Variants in RANBP2 observed in about 807,000 individuals in gnomAD.
RANBP2 encodes the protein E3 SUMO-protein ligase RanBP2.
Under a neutral mutation model 303.6 loss-of-function variants are expected in RANBP2, and 57 were observed. The ratio of observed to expected loss-of-function variants is 0.19; its 90% confidence interval spans 0.15 to 0.23. The LOEUF (loss-of-function observed/expected upper bound fraction) is 0.23. Ranked by LOEUF, RANBP2 falls within the 10% of genes least tolerant of loss-of-function variation. The pLI, the probability that RANBP2 is intolerant of heterozygous loss-of-function variation, is 1.00. For missense variants in RANBP2, 3,138 were observed against 3,780.8 expected (o/e 0.83, Z 4.46); for synonymous variants, 1,167 against 1,301.5 (o/e 0.90, Z 2.23).
chr2:109,147,579 C>T, the RANBP2 span, among the ~76,000 whole-genome samples: 1 of 152,270 alleles, frequency 6.6e-6, no homozygotes, highest in African/African-American at 2.4e-5. Context: ...GAGGCCTAGT[C>T]AATTATTCAG....
At chr2:109,046,472 T>C in the RANBP2 span, among the ~76,000 whole-genome samples, 1 of 149,672 alleles carries the variant, frequency 6.7e-6, no homozygotes, top group Non-Finnish European at 1.5e-5. Flanking sequence ...AATGGCATGG[T>C]CTCGGCTCAC....
At chr2:109,557,179 A>T in the RANBP2 span, among the ~76,000 whole-genome samples, 9 of 152,130 alleles carry the variant, frequency 5.9e-5, no homozygotes, top group East Asian at 5.8e-4. Context: ...ATAAAAAAAA[A>T]TTTAAAAAAA....
chr2:109,568,491 C>T, the RANBP2 span, among the ~76,000 whole-genome samples: 1 of 151,448 alleles, frequency 6.6e-6, no homozygotes, highest in Non-Finnish European at 1.5e-5. Context: ...CTTCCCTCAA[C>T]CTCCCAAGTA....
the RANBP2 span, among the ~76,000 whole-genome samples, chr2:108,867,947 C>T: frequency 6.6e-6 from 1 of 152,080 alleles, no homozygotes; most frequent in Non-Finnish European, 1.5e-5. Flanking sequence ...TTCTGATTAC[C>T]CTTGCCTTAG....
At chr2:108,993,306 C>CA in the RANBP2 span, among the ~76,000 whole-genome samples, 1 of 152,148 alleles carries the variant, frequency 6.6e-6, no homozygotes, top group Non-Finnish European at 1.5e-5. Context: ...AGGAAACTGA[C>CA]AGGAAACTGT....
the RANBP2 span, among the ~76,000 whole-genome samples, chr2:109,340,634 A>G: frequency 1.3e-5 from 2 of 152,176 alleles, no homozygotes; most frequent in South Asian, 2.1e-4. Flanking sequence ...GTCCTGGAAC[A>G]TCTGTTTGCC....
the RANBP2 span, among the ~76,000 whole-genome samples, chr2:109,206,527 G>T: frequency 6.9e-6 from 1 of 145,974 alleles, no homozygotes; most frequent in Admixed American, 6.9e-5. Flanking sequence ...AATTAGAGGA[G>T]GCTGAGTGTG....
the RANBP2 span, among the ~76,000 whole-genome samples, chr2:108,871,949 G>C: frequency 6.6e-6 from 1 of 151,942 alleles, no homozygotes; most frequent in East Asian, 1.9e-4. Context: ...TTTTACTGTG[G>C]CTTCTCCAGG....
At chr2:109,577,316 G>A in the RANBP2 span, among the ~76,000 whole-genome samples, 1 of 152,154 alleles carries the variant, frequency 6.6e-6, no homozygotes, top group Non-Finnish European at 1.5e-5. Context: ...AGAGAACTCG[G>A]CCGGGCATGG....
At chr2:108,965,488 A>G in the RANBP2 span, among the ~76,000 whole-genome samples, 1 of 151,992 alleles carries the variant, frequency 6.6e-6, no homozygotes, top group African/African-American at 2.4e-5. Context: ...AAGATAATAA[A>G]TGACCCAGTT....
chr2:108,835,595 A>G, the RANBP2 span, among the ~76,000 whole-genome samples: 1 of 152,254 alleles, frequency 6.6e-6, no homozygotes, highest in Admixed American at 6.5e-5. Flanking sequence ...CAAGATTTGT[A>G]AATCTATTCA....
chr2:109,227,966 A>C, the RANBP2 span, among the ~76,000 whole-genome samples: 1 of 152,170 alleles, frequency 6.6e-6, no homozygotes, highest in Non-Finnish European at 1.5e-5. Flanking sequence ...TTTCTGGCTC[A>C]AGGGGCATGG....
chr2:109,325,127 C>T, the RANBP2 span, among the ~76,000 whole-genome samples: 1 of 152,054 alleles, frequency 6.6e-6, no homozygotes, highest in Non-Finnish European at 1.5e-5. Flanking sequence ...GGAGGGGTCC[C>T]TTGGCCACAT....
At chr2:109,400,192 G>T in the RANBP2 span, among the ~76,000 whole-genome samples, 1 of 152,094 alleles carries the variant, frequency 6.6e-6, no homozygotes. Context: ...CATCAGCCTA[G>T]AAATGCCCCC....
chr2:109,392,067 C>T, the RANBP2 span, among the ~76,000 whole-genome samples: 1 of 152,274 alleles, frequency 6.6e-6, no homozygotes, highest in South Asian at 2.1e-4. Flanking sequence ...CAGCCTGCCT[C>T]GGCCTCCCAA....
the RANBP2 span, among the ~76,000 whole-genome samples, chr2:109,095,196 C>A: frequency 6.6e-6 from 1 of 152,200 alleles, no homozygotes; most frequent in Non-Finnish European, 1.5e-5. Context: ...AAGAGTCAGA[C>A]CTTATCTTCA....
At chr2:108,889,774 CTGTT>C in the RANBP2 span, among the ~76,000 whole-genome samples, 1 of 152,082 alleles carries the variant, frequency 6.6e-6, no homozygotes, top group Non-Finnish European at 1.5e-5. Flanking sequence ...AGAATTAAAT[CTGTT>C]TGTGTTCACA....
chr2:109,608,418 G>C, the RANBP2 span, among the ~76,000 whole-genome samples: 795 of 152,270 alleles, frequency 5.2e-3, 9 homozygotes, highest in African/African-American at 0.018. Flanking sequence ...ACCACACAGA[G>C]GGCAGGATAA....
At chr2:108,773,275 G>A (rs948882378) in intron 23 of RANBP2, among the ~76,000 whole-genome samples, 6 of 151,966 alleles carry the variant, frequency 3.9e-5, no homozygotes, top group Non-Finnish European at 5.9e-5. Context: ...CTGCCACCAC[G>A]CCTGGCTAAT....
Sources: gnomAD v4.1 joint callset for allele counts (sites outside exome capture counted in the v4.1 genomes callset) on GRCh38, gnomAD v4.1.1 for gene constraint, MANE v1.5 for transcripts, NCBI Gene and HGNC (gene_info 2026-07-23, HGNC 2026-07-21) for gene names.